PRMT8: variants seen among roughly 807,000 people sequenced by gnomAD.
PRMT8 encodes protein arginine methyltransferase 8, also known as protein arginine N-methyltransferase 8.
Under a neutral mutation model 47.1 loss-of-function variants are expected in PRMT8, and 7 were observed. The observed-to-expected ratio is 0.15, with a 90% CI of 0.08 to 0.28. The LOEUF (loss-of-function observed/expected upper bound fraction) is 0.28. Ranked by LOEUF, PRMT8 falls within the 10% of genes least tolerant of loss-of-function variation. The pLI is 1.00. For synonymous variants in PRMT8, 188 were observed against 186.5 expected (o/e 1.01, Z -0.07); for missense variants, 237 against 505.4 (o/e 0.47, Z 5.09).
rs1353073222 is a variant in PRMT8, at chr12:3,557,742, T to G, written c.481+4028T>G. Among the ~76,000 whole-genome samples the G allele has an allele frequency of 6.6e-6, 1 of 152,230 alleles. No individual in the cohort carries two copies. Among genetic ancestry groups the G allele is most frequent in the East Asian group, 1.9e-4 (1 of 5,166 alleles). ...ACTGAGGCTAGGAGAGGTGGGTGAC[T>G]GAGCCCTTTGCTAAGGTGTGTTTGT... On this transcript the variant is annotated intron_variant, in intron 4 of 9. Transcript: ENST00000382622. This position sits in a 1 kb window ranked among gnomAD's most constrained non-coding sequence, Gnocchi z 4.7.
chr12:3,567,678 T>C (rs1251180846), intron 4 of PRMT8, among the ~76,000 whole-genome samples: 1 of 152,140 alleles, frequency 6.6e-6, no homozygotes, highest in African/African-American at 2.4e-5. Flanking sequence ...GGGGTGCCAA[T>C]CCCCCACACA....
At chr12:3,401,763 C>T (rs1276857329) in intron 1 of PRMT8, among the ~76,000 whole-genome samples, 2 of 152,158 alleles carry the variant, frequency 1.3e-5, no homozygotes, top group Non-Finnish European at 2.9e-5. Context: ...GGAATAAATA[C>T]AGCTAACAAA....
rs79177253 is a variant in PRMT8 at position 3,473,770 on chromosome 12, T to C, written c.49-66836T>C. Among the ~76,000 whole-genome samples the C allele has an allele frequency of 5.4e-3, 826 of 152,252 alleles. 6 individuals carry two copies. Among genetic ancestry groups the C allele is most frequent in the African/African-American group, 0.019 (793 of 41,546 alleles). On this transcript the variant is annotated intron_variant, in intron 1 of 9. Coordinates refer to the PRMT8 transcript ENST00000452611. ...GTAAATATTGTCTCCAACCACCCAA[T>C]TGGCCAAATAAATCATCCCATGAGC...
At chr12:3,483,564 A>T (rs1865294829) in intron 1 of PRMT8, among the ~76,000 whole-genome samples, 1 of 152,146 alleles carries the variant, frequency 6.6e-6, no homozygotes, top group Admixed American at 6.6e-5. Context: ...TAGGTGAATA[A>T]GCCACAGAGT....
Position 3,456,550 on chromosome 12 carries a change from C to T in PRMT8, c.48+75108C>T, listed in dbSNP as rs1241641083. Among the ~76,000 whole-genome samples the T allele has an allele frequency of 6.6e-6, 1 of 152,182 alleles. No homozygotes were observed. Among genetic ancestry groups the T allele is most frequent in the African/African-American group, 2.4e-5 (1 of 41,436 alleles). On this transcript the variant is annotated intron_variant, in intron 1 of 9. Transcript: ENST00000452611. The surrounding 1 kb of genome is among the most constrained non-coding windows in gnomAD (Gnocchi z 4.2). ...TCTGTTGTGCAGCCCGATCATCCCC[C>T]AATTCACCAACAGCCTTCTCCTCGC...
At chr12:3,460,841 A>G (rs567332582) in intron 1 of PRMT8, among the ~76,000 whole-genome samples, 1 of 152,314 alleles carries the variant, frequency 6.6e-6, no homozygotes, top group South Asian at 2.1e-4. Context: ...GAATGGCCAC[A>G]GTGAAGAATG....
chr12:3,491,538 T>C lies in PRMT8; in HGVS notation c.-88T>C. 1 of 1,473,914 alleles carries C rather than the reference T, an allele frequency of 6.8e-7. No homozygotes were observed. Among genetic ancestry groups the C allele is most frequent in the Non-Finnish European group, 9.0e-7 (1 of 1,113,224 alleles). The allele number at this position is 1,473,914 out of a possible 1,614,324, so 91.3% of individuals were successfully genotyped here. The stretch of plus-strand genomic sequence containing the variant: ...GGGCTGGGTTGGATTTTTTTTTTTC[T>C]CCCATCCTCTCGCTCTCTCTTTTAA... On this transcript the variant is annotated 5_prime_UTR_variant, in exon 1 of 10. Coordinates refer to ENST00000382622, the MANE Select transcript of PRMT8 (RefSeq NM_019854.5).
At chr12:3,460,528 G>A (rs943196382) in intron 1 of PRMT8, among the ~76,000 whole-genome samples, 20 of 152,216 alleles carry the variant, frequency 1.3e-4, no homozygotes, top group African/African-American at 4.8e-4. Flanking sequence ...CAATGATGAA[G>A]TTGGAGGTTT....
At chr12:3,522,249 C>T (rs1865889658) in intron 1 of PRMT8, among the ~76,000 whole-genome samples, 1 of 152,106 alleles carries the variant, frequency 6.6e-6, no homozygotes, top group African/African-American at 2.4e-5. Context: ...AAATTGTATA[C>T]TGGCCATATC....
intron 1 of PRMT8, among the ~76,000 whole-genome samples, chr12:3,397,041 C>G (rs1296221155): frequency 6.6e-6 from 1 of 151,814 alleles, no homozygotes; most frequent in Admixed American, 6.6e-5. Flanking sequence ...ACGTAGTTCT[C>G]GAGCCTTGGT....
intron 1 of PRMT8, among the ~76,000 whole-genome samples, chr12:3,459,679 G>C (rs1004888732): frequency 1.6e-4 from 25 of 152,338 alleles, no homozygotes; most frequent in African/African-American, 5.8e-4. Flanking sequence ...GGGGGCCCAG[G>C]AGAGAGTTGA....
chr12:3,407,139 G>A (rs1864380495), intron 1 of PRMT8, among the ~76,000 whole-genome samples: 1 of 152,106 alleles, frequency 6.6e-6, no homozygotes, highest in Non-Finnish European at 1.5e-5. Flanking sequence ...AGCAAAGGGG[G>A]AAAAGCCCCT....
chr12:3,510,181 G>C (rs1055350869), intron 1 of PRMT8, among the ~76,000 whole-genome samples: 1 of 152,122 alleles, frequency 6.6e-6, no homozygotes, highest in African/African-American at 2.4e-5. Context: ...TCCTAATTGC[G>C]GGCACTCAGG....
intron 1 of PRMT8, among the ~76,000 whole-genome samples, chr12:3,412,713 A>G (rs1262620359): frequency 6.6e-6 from 1 of 152,168 alleles, no homozygotes; most frequent in African/African-American, 2.4e-5. Flanking sequence ...GAATTGTAAT[A>G]ATCCCCATGT....
At chr12:3,461,718 ATTTACTCTGCT>A (rs1398349016) in intron 1 of PRMT8, among the ~76,000 whole-genome samples, 2 of 152,086 alleles carry the variant, frequency 1.3e-5, no homozygotes, top group African/African-American at 4.8e-5. Flanking sequence ...CCATTCGTTT[ATTTACTCTGCT>A]CAGTGTTAAC....
chr12:3,488,582 T>A (rs1169574665), upstream of PRMT8, among the ~76,000 whole-genome samples: 1 of 152,200 alleles, frequency 6.6e-6, no homozygotes, highest in Non-Finnish European at 1.5e-5. Flanking sequence ...CATTAAGAGC[T>A]CATCAATGGT....
Position 3,540,804 on chromosome 12 carries a change from G to A in PRMT8, c.261+13G>A, listed in dbSNP as rs57846693. 7.2e-5 allele frequency: 116 copies of A among 1,611,098 alleles called. No individual in the cohort carries two copies. The Admixed American group carries it at 9.0e-4, about 13-fold the overall frequency. ...TGGGATCCACGAGGTAAAGTGTCCC[G>A]AGTGGGTGGCTAATGGGGCGAGGCT... On this transcript the variant is annotated intron_variant, in intron 2 of 9. Transcript: ENST00000382622.
intron 1 of PRMT8, among the ~76,000 whole-genome samples, chr12:3,476,298 G>A (rs1865213073): frequency 6.6e-6 from 1 of 152,178 alleles, no homozygotes; most frequent in Non-Finnish European, 1.5e-5. Context: ...TTAAAACAGG[G>A]TGAGTTCTCC....
intron 1 of PRMT8, among the ~76,000 whole-genome samples, chr12:3,529,872 G>A (rs868634154): frequency 1.2e-4 from 18 of 152,176 alleles, no homozygotes; most frequent in South Asian, 4.1e-4. Flanking sequence ...GTCAGTCAGC[G>A]TCTCTGAACC....
Sources: gnomAD v4.1 joint callset for allele counts (sites outside exome capture counted in the v4.1 genomes callset) on GRCh38, gnomAD v4.1.1 for gene constraint, Gnocchi (gnomAD v3.1) non-coding constraint, MANE v1.5 for transcripts, NCBI Gene and HGNC (gene_info 2026-07-23, HGNC 2026-07-21) for gene names.